The following ATF2 variants were observed in gnomAD, a reference collection of about 807,000 sequenced individuals.
ATF2 encodes the protein activating transcription factor 2.
A neutral mutation model predicts 60.6 loss-of-function variants in ATF2; 24 were observed. The observed-to-expected ratio is 0.40, with a 90% CI of 0.29 to 0.56. ATF2 has a LOEUF of 0.56. Ranked by LOEUF, ATF2 falls within the 20% of genes least tolerant of loss-of-function variation. ATF2 has a pLI of 0.54. For missense variants in ATF2, 433 were observed against 607.7 expected (o/e 0.71, Z 3.02); for synonymous variants, 206 against 215.4 (o/e 0.96, Z 0.38).
intron 11 of ATF2, among the ~76,000 whole-genome samples, chr2:175,094,318 C>T (rs1345008036): frequency 2.1e-5 from 3 of 145,976 alleles, no homozygotes; most frequent in East Asian, 2.2e-4. Flanking sequence ...CACTTGAACC[C>T]GGGAGGCAGA....
In ATF2 at chr2:175,163,562, T is replaced by C. The variant is rs1393343052; in HGVS notation, c.-143+4488A>G. 1.3e-5 allele frequency among the ~76,000 whole-genome samples: 2 copies of C among 152,054 alleles called. 1 individual carries two copies. The highest frequency in any genetic ancestry group is 4.1e-4 in the South Asian group (2 of 4,834). ...GATACAGAATGCAAATATGGGTGAA[T>C]AGGCAAAGCCCCCAAAACATTGTTT... On this transcript the variant is annotated intron_variant, in intron 1 of 13. Transcript: ENST00000264110.
intron 10 of ATF2, among the ~76,000 whole-genome samples, chr2:175,106,731 G>A (rs931981709): frequency 6.6e-6 from 1 of 152,140 alleles, no homozygotes; most frequent in Non-Finnish European, 1.5e-5. Flanking sequence ...AGCTACTCGG[G>A]AGGCTGAGGC....
chr2:175,130,716 T>C (rs1697667949), intron 3 of ATF2, among the ~76,000 whole-genome samples: 1 of 152,094 alleles, frequency 6.6e-6, no homozygotes, highest in South Asian at 2.1e-4. Context: ...CCTTTTCCTA[T>C]ATTGGAAGCA....
chr2:175,083,084 T>C (rs1197010805), intron 12 of ATF2, among the ~76,000 whole-genome samples: 5 of 151,798 alleles, frequency 3.3e-5, no homozygotes, highest in African/African-American at 7.3e-5. Context: ...AGGTAATTTA[T>C]AGATTCAATG....
intron 3 of ATF2, among the ~76,000 whole-genome samples, chr2:175,134,477 G>C (rs1161493786): frequency 6.6e-6 from 1 of 150,768 alleles, no homozygotes; most frequent in Non-Finnish European, 1.5e-5. Context: ...AAACCAGTAA[G>C]GGCTTGACAG....
chr2:175,127,711 T>A (rs952531892), intron 4 of ATF2, among the ~76,000 whole-genome samples: 1 of 152,208 alleles, frequency 6.6e-6, no homozygotes, highest in African/African-American at 2.4e-5. Context: ...CATTTGCTGC[T>A]CCTTTAGTCT....
intron 12 of ATF2, among the ~76,000 whole-genome samples, chr2:175,088,726 TAAAGA>T (rs1319884084): frequency 6.6e-6 from 1 of 152,060 alleles, no homozygotes; most frequent in Non-Finnish European, 1.5e-5. Flanking sequence ...CTACTGTTAG[TAAAGA>T]AAAGGAATCT....
chr2:175,101,483 A>G (rs1695308174), intron 10 of ATF2, among the ~76,000 whole-genome samples: 1 of 152,254 alleles, frequency 6.6e-6, no homozygotes, highest in African/African-American at 2.4e-5. Context: ...AACTAGAAGT[A>G]GAAATGTGAG....
chr2:175,135,062 C>A lies in ATF2; in HGVS notation c.32+1350G>T, dbSNP rs146741041. 8.7e-3 allele frequency among the ~76,000 whole-genome samples: 1,299 copies of A among 149,140 alleles called. 13 individuals are homozygous for A. Among genetic ancestry groups the A allele is most frequent in the Non-Finnish European group, 0.013 (895 of 67,228 alleles). ...ATCCTGGCTAACACTTTCGAAACCC[C>A]ACCTCTACTAAAAATACAAAAAATT... On this transcript the variant is annotated intron_variant, in intron 3 of 13. Transcript: ENST00000264110.
intron 3 of ATF2, among the ~76,000 whole-genome samples, chr2:175,135,418 G>A (rs1169229786): frequency 6.6e-6 from 1 of 152,172 alleles, no homozygotes; most frequent in East Asian, 1.9e-4. Flanking sequence ...ACCACCAGGA[G>A]GCAATCATCC....
intron 10 of ATF2, among the ~76,000 whole-genome samples, chr2:175,105,084 T>TTATTGA (rs1195971863): frequency 5.3e-5 from 8 of 152,336 alleles, no homozygotes; most frequent in African/African-American, 1.9e-4. Flanking sequence ...ATTGAGAGAA[T>TTATTGA]TATTGAGTAC....
chr2:175,077,459 G>C (rs537471328), intron 13 of ATF2, among the ~76,000 whole-genome samples: 8 of 152,200 alleles, frequency 5.3e-5, no homozygotes, highest in African/African-American at 1.9e-4. Flanking sequence ...TTCAGCACCT[G>C]TTGTTTCCTG....
At chr2:175,084,259 A>T (rs1287449508) in intron 12 of ATF2, among the ~76,000 whole-genome samples, 1 of 152,104 alleles carries the variant, frequency 6.6e-6, no homozygotes, top group Non-Finnish European at 1.5e-5. Context: ...TCCAACGATG[A>T]TAGACTGGAT....
chr2:175,106,121 A>T (rs1027342774), intron 10 of ATF2, among the ~76,000 whole-genome samples: 2 of 152,230 alleles, frequency 1.3e-5, no homozygotes, highest in Non-Finnish European at 2.9e-5. Flanking sequence ...AAGTAAGTCA[A>T]TGGGAGTATA....
intron 1 of ATF2, among the ~76,000 whole-genome samples, chr2:175,159,887 A>G (rs1699911271): frequency 6.6e-6 from 1 of 152,214 alleles, no homozygotes; most frequent in Non-Finnish European, 1.5e-5. Flanking sequence ...TATGTGGTCT[A>G]AGGTCCATAG....
chr2:175,149,347 T>C (rs1398133617), intron 2 of ATF2, among the ~76,000 whole-genome samples: 2 of 152,336 alleles, frequency 1.3e-5, no homozygotes, highest in African/African-American at 4.8e-5. Flanking sequence ...GTCTAAAATA[T>C]GTATGATCAG....
Position 175,114,679 on chromosome 2 carries a change from G to A in ATF2, c.626+11C>T, listed in dbSNP as rs776445578. 34 of 1,609,026 alleles carry A rather than the reference G, an allele frequency of 2.1e-5. No individual in the cohort carries two copies. The highest frequency in any genetic ancestry group is 2.8e-5 in the Non-Finnish European group (33 of 1,176,526). On this transcript the variant is annotated intron_variant, in intron 8 of 13. Coordinates refer to ENST00000264110, the MANE Select transcript of ATF2 (RefSeq NM_001880.4). Reference sequence around the variant, plus strand: ...CATGTATATGTTCAATGATTGGCCTGAATCACTTACACAATTGGCCTGTTA... The same window carrying A: ...CATGTATATGTTCAATGATTGGCCTAAATCACTTACACAATTGGCCTGTTA...
At position 175,074,606 on chromosome 2, in the gene ATF2, TA is replaced by T. The variant is rs1442818633; in HGVS notation, c.*2del. 1.9e-6 allele frequency: 3 copies of T among 1,609,552 alleles called. No homozygotes were observed. The highest frequency in any genetic ancestry group is 1.7e-6 in the Non-Finnish European group (2 of 1,177,760). ...CTAAAACTGTTGTACTGCAGGTTTTTAATCAACTTCCTGAGGGCTGTGACTG... is the reference window on the plus strand; with the variant it reads ...CTAAAACTGTTGTACTGCAGGTTTTTATCAACTTCCTGAGGGCTGTGACTG... On this transcript the variant is annotated 3_prime_UTR_variant, in exon 14 of 14. Coordinates refer to ENST00000264110, the MANE Select transcript of ATF2 (RefSeq NM_001880.4).
At chr2:175,113,591 T>C (rs1696354634) in intron 9 of ATF2, among the ~76,000 whole-genome samples, 1 of 152,164 alleles carries the variant, frequency 6.6e-6, no homozygotes, top group Non-Finnish European at 1.5e-5. Flanking sequence ...TATCAAAGAT[T>C]CTACAAACCC....
Sources: gnomAD v4.1 joint callset for allele counts (sites outside exome capture counted in the v4.1 genomes callset) on GRCh38, gnomAD v4.1.1 for gene constraint, MANE v1.5 for transcripts, NCBI Gene and HGNC (gene_info 2026-07-23, HGNC 2026-07-21) for gene names.